The following LARGE1 variants were observed in gnomAD, a reference collection of about 807,000 sequenced individuals.
LARGE1 encodes the protein LARGE xylosyl- and glucuronyltransferase 1, also known as xylosyl- and glucuronyltransferase LARGE1.
In LARGE1, 43 loss-of-function variants were observed where a neutral mutation model predicts 87.6. The observed-to-expected ratio is 0.49, with a 90% confidence interval of 0.38 to 0.63. The LOEUF (loss-of-function observed/expected upper bound fraction) is 0.63, where lower values mean the gene tolerates loss of function less well. Ranked by LOEUF, LARGE1 falls within the 30% of genes least tolerant of loss-of-function variation. The probability of loss-of-function intolerance (pLI) is 0.00; values close to 1 mark genes in which losing one functional copy is unlikely to be tolerated. For synonymous variants in LARGE1, 434 were observed against 394.6 expected, an observed-to-expected ratio of 1.10 and a Z score of -1.18; for missense variants, 802 against 1,000.2, an observed-to-expected ratio of 0.80 and a Z score of 2.67.
chr22:33,314,145 G>C (rs1935896687), intron 11 of LARGE1, among the ~76,000 whole-genome samples: 1 of 152,168 alleles, frequency 6.6e-6, no homozygotes, highest in South Asian at 2.1e-4. Context: ...AGCAGGTCAA[G>C]CATGGACCTG....
At chr22:33,393,921 G>C (rs1305656491) in intron 7 of LARGE1, among the ~76,000 whole-genome samples, 6 of 152,176 alleles carry the variant, frequency 3.9e-5, no homozygotes, top group Non-Finnish European at 7.4e-5. Flanking sequence ...TGGTCAAGTA[G>C]CAGGGCTTTT....
intron 5 of LARGE1, among the ~76,000 whole-genome samples, chr22:33,586,736 C>T (rs570947887): frequency 1.3e-5 from 2 of 152,146 alleles, no homozygotes; most frequent in East Asian, 1.9e-4. Flanking sequence ...GGATTACAGG[C>T]GTGAGCCACC....
intron 1 of LARGE1, among the ~76,000 whole-genome samples, chr22:33,827,344 T>C (rs2146302880): frequency 6.6e-6 from 1 of 152,184 alleles, no homozygotes; most frequent in Admixed American, 6.5e-5. Flanking sequence ...TACTCCAGCC[T>C]GGGTGACAGA....
chr22:33,365,944 T>C (rs950813886), intron 9 of LARGE1, among the ~76,000 whole-genome samples: 3 of 152,214 alleles, frequency 2.0e-5, no homozygotes, highest in Non-Finnish European at 4.4e-5. Context: ...GCCTGTTTGA[T>C]TGAGTTATTG....
intron 1 of LARGE1, among the ~76,000 whole-genome samples, chr22:33,860,220 G>A (rs1436448050): frequency 4.0e-5 from 6 of 151,886 alleles, no homozygotes; most frequent in East Asian, 1.9e-4. Flanking sequence ...TTGAACTCCC[G>A]GACTCAAGTG....
chr22:33,361,724 C>CAGATTCCCTCCTCTTT (rs1555903249), intron 9 of LARGE1, among the ~76,000 whole-genome samples: 19 of 138,214 alleles, frequency 1.4e-4, no homozygotes, highest in Admixed American at 6.5e-4. Context: ...CCAACTGGCT[C>CAGATTCCCTCCTCTTT]AGAGTCCCTC....
intron 7 of LARGE1, among the ~76,000 whole-genome samples, chr22:33,413,058 C>T (rs946621218): frequency 7.2e-5 from 11 of 152,154 alleles, no homozygotes; most frequent in African/African-American, 2.7e-4. Flanking sequence ...AGGACCCTAG[C>T]ACATCACTGC....
chr22:33,592,927 C>T (rs1349779246), intron 5 of LARGE1, among the ~76,000 whole-genome samples: 1 of 152,122 alleles, frequency 6.6e-6, no homozygotes, highest in South Asian at 2.1e-4. Context: ...GCAAGCTCTG[C>T]CTCCCAGGTT....
intron 11 of LARGE1, among the ~76,000 whole-genome samples, chr22:33,175,863 A>G (rs1035967248): frequency 6.6e-6 from 1 of 152,230 alleles, no homozygotes; most frequent in Non-Finnish European, 1.5e-5. Context: ...CTAAGCAAAA[A>G]GAACAAAGCT....
intron 6 of LARGE1, among the ~76,000 whole-genome samples, chr22:33,437,639 A>C (rs1176035348): frequency 2.0e-5 from 3 of 151,626 alleles, no homozygotes; most frequent in African/African-American, 7.3e-5. Context: ...ATCTGCCTGG[A>C]CCTCCAGCTC....
intron 5 of LARGE1, among the ~76,000 whole-genome samples, chr22:33,586,427 G>A (rs561187453): frequency 9.3e-5 from 14 of 151,228 alleles, no homozygotes; most frequent in African/African-American, 3.4e-4. Flanking sequence ...ACGCCATGCT[G>A]CCCCCAAACA....
intron 1 of LARGE1, among the ~76,000 whole-genome samples, chr22:33,879,595 T>G (rs1388438970): frequency 2.6e-5 from 4 of 152,212 alleles, no homozygotes; most frequent in African/African-American, 9.6e-5. Flanking sequence ...GAATATCTTT[T>G]CCCATCGACT....
intron 2 of LARGE1, among the ~76,000 whole-genome samples, chr22:33,694,844 C>T (rs954465920): frequency 2.5e-4 from 38 of 152,096 alleles, no homozygotes; most frequent in African/African-American, 8.5e-4. Flanking sequence ...GTTTGCATGC[C>T]AGCACTGACT....
chr22:33,243,706 AT>A (rs1172245820), intron 11 of LARGE1, among the ~76,000 whole-genome samples: 1 of 152,186 alleles, frequency 6.6e-6, no homozygotes, highest in Non-Finnish European at 1.5e-5. Context: ...TTCTATGAGC[AT>A]TCATGTGCTA....
intron 9 of LARGE1, among the ~76,000 whole-genome samples, chr22:33,351,616 T>C (rs1940383773): frequency 6.6e-6 from 1 of 152,032 alleles, no homozygotes; most frequent in Admixed American, 6.6e-5. Flanking sequence ...AATCTTTAAT[T>C]ACAGAGAAAT....
intron 1 of LARGE1, among the ~76,000 whole-genome samples, chr22:33,858,178 C>A (rs990345509): frequency 6.6e-6 from 1 of 152,206 alleles, no homozygotes; most frequent in Non-Finnish European, 1.5e-5. Context: ...GGAACAACGG[C>A]AAGCCTTTAG....
the LARGE1 span, among the ~76,000 whole-genome samples, chr22:33,114,236 G>A: frequency 1.3e-5 from 2 of 152,112 alleles, no homozygotes; most frequent in Admixed American, 1.3e-4. Context: ...AGCTAATAGA[G>A]GCTAAATGCT....
chr22:33,921,208 G>A (rs1051114383), upstream of LARGE1, among the ~76,000 whole-genome samples: 9 of 152,052 alleles, frequency 5.9e-5, no homozygotes, highest in Admixed American at 1.3e-4. This position sits in a 1 kb window ranked among gnomAD's most constrained non-coding sequence, Gnocchi z 4.1. Context: ...ACTCCGCCCC[G>A]GTGCTTCTTC....
At chr22:33,066,963 G>T in the LARGE1 span, among the ~76,000 whole-genome samples, 7 of 151,984 alleles carry the variant, frequency 4.6e-5, no homozygotes, top group African/African-American at 7.2e-5. Context: ...CCTTTGTGTC[G>T]AGCAGAACAG....
Sources: gnomAD v4.1 joint callset for allele counts (sites outside exome capture counted in the v4.1 genomes callset) on GRCh38, gnomAD v4.1.1 for gene constraint, Gnocchi (gnomAD v3.1) non-coding constraint, MANE v1.5 for transcripts, NCBI Gene and HGNC (gene_info 2026-07-23, HGNC 2026-07-21) for gene names.